Variants in ENPP6 observed in about 807,000 individuals in gnomAD.
The protein encoded by ENPP6 is ectonucleotide pyrophosphatase/phosphodiesterase 6, also known as glycerophosphocholine cholinephosphodiesterase ENPP6.
Under a neutral mutation model 42.0 loss-of-function variants are expected in ENPP6, and 32 were observed. The observed-to-expected ratio is 0.76, with a 90% CI of 0.58 to 1.02. The LOEUF (loss-of-function observed/expected upper bound fraction) is 1.02. ENPP6 is among the 50% of genes least tolerant of loss of function. The pLI, the probability that ENPP6 is intolerant of heterozygous loss-of-function variation, is 0.00. For synonymous variants in ENPP6, 213 were observed against 216.0 expected, an observed-to-expected ratio of 0.99 and a Z score of 0.12; for missense variants, 552 against 566.8, an observed-to-expected ratio of 0.97 and a Z score of 0.27.
intron 5 of ENPP6, among the ~76,000 whole-genome samples, chr4:184,113,825 G>C (rs1167605018): frequency 4.6e-5 from 7 of 151,288 alleles, no homozygotes; most frequent in African/African-American, 1.7e-4. Context: ...ATAGGCTTCA[G>C]CCACCGAGTG....
chr4:184,209,459 A>T lies in ENPP6; in HGVS notation c.241+8120T>A, dbSNP rs1490200715. Among the ~76,000 whole-genome samples the T allele has an allele frequency of 1.9e-3, 293 of 151,686 alleles. 1 individual carries two copies. The highest frequency in any genetic ancestry group is 6.9e-3 in the African/African-American group (281 of 40,972). ...AGAATGCAGAAGCCTCAGGAGCCAA[A>T]GCAATCAACTGGAAGAAAGGGTATC... On this transcript the variant is annotated intron_variant, in intron 1 of 7. Coordinates refer to ENST00000296741, the MANE Select transcript of ENPP6 (RefSeq NM_153343.4).
intron 6 of ENPP6, among the ~76,000 whole-genome samples, chr4:184,102,884 C>T (rs1035265823): frequency 1.3e-5 from 2 of 152,272 alleles, no homozygotes; most frequent in Non-Finnish European, 2.9e-5. Context: ...TGAGGAATCT[C>T]TTCTTAATGT....
intron 6 of ENPP6, among the ~76,000 whole-genome samples, chr4:184,107,824 A>C (rs1736125939): frequency 1.3e-5 from 2 of 151,746 alleles, no homozygotes; most frequent in South Asian, 4.2e-4. Flanking sequence ...CTGAGGCAGG[A>C]GAATGGCGTG....
intron 2 of ENPP6, among the ~76,000 whole-genome samples, chr4:184,131,231 T>TC (rs1560987362): frequency 0.063 from 4,768 of 75,342 alleles, 517 homozygotes; most frequent in Non-Finnish European, 0.083. Flanking sequence ...TCTTTCTTTC[T>TC]TTCCTTTTCT....
intron 6 of ENPP6, among the ~76,000 whole-genome samples, chr4:184,098,065 C>A (rs547027624): frequency 1.2e-4 from 18 of 152,308 alleles, no homozygotes; most frequent in Non-Finnish European, 2.2e-4. Context: ...TTCCCACGGG[C>A]CTCTCTATGT....
At chr4:184,153,082 A>G (rs191863605) in intron 2 of ENPP6, among the ~76,000 whole-genome samples, 2 of 152,256 alleles carry the variant, frequency 1.3e-5, no homozygotes, top group African/African-American at 4.8e-5. Flanking sequence ...TAGAGAGTTA[A>G]AAACACATTT....
At chr4:184,175,925 T>C (rs553553837) in intron 1 of ENPP6, among the ~76,000 whole-genome samples, 30 of 151,874 alleles carry the variant, frequency 2.0e-4, no homozygotes, top group Admixed American at 6.6e-4. Flanking sequence ...AGAGAAAAGG[T>C]GTTGTGTAAA....
intron 1 of ENPP6, among the ~76,000 whole-genome samples, chr4:184,154,314 T>C (rs1249578409): frequency 1.3e-5 from 2 of 152,230 alleles, no homozygotes; most frequent in Non-Finnish European, 2.9e-5. Context: ...AAACGAGGGC[T>C]GGTTCTGTTG....
At chr4:184,179,026 T>A (rs554286735) in intron 1 of ENPP6, among the ~76,000 whole-genome samples, 1 of 152,258 alleles carries the variant, frequency 6.6e-6, no homozygotes, top group South Asian at 2.1e-4. Context: ...CACATAACAA[T>A]ATTAACCTTA....
At chr4:184,129,614 T>C (rs970708033) in intron 2 of ENPP6, among the ~76,000 whole-genome samples, 2 of 152,144 alleles carry the variant, frequency 1.3e-5, no homozygotes, top group Non-Finnish European at 2.9e-5. Flanking sequence ...AAACATACTC[T>C]AAAAAATAAA....
chr4:184,131,183 TTC>T (rs1276713304), intron 2 of ENPP6, among the ~76,000 whole-genome samples: 1,351 of 64,836 alleles, frequency 0.021, 56 homozygotes, highest in African/African-American at 0.064. Flanking sequence ...CTTTCTTTCT[TTC>T]TTTCTTTCTT....
intron 1 of ENPP6, among the ~76,000 whole-genome samples, chr4:184,206,959 C>T (rs973946030): frequency 1.3e-5 from 2 of 152,220 alleles, no homozygotes; most frequent in African/African-American, 4.8e-5. Flanking sequence ...CAGGCTTAGG[C>T]CCTGGCCAGT....
chr4:184,110,210 A>G (rs889455230), intron 6 of ENPP6, among the ~76,000 whole-genome samples: 1 of 151,968 alleles, frequency 6.6e-6, no homozygotes, highest in Admixed American at 6.6e-5. Context: ...GCCCCAGTCT[A>G]CCTGACTCCT....
At position 184,131,140 on chromosome 4, in the gene ENPP6, A is replaced by ACTTACTTT. The variant is rs1491154845; in HGVS notation, c.422-6869_422-6868insAAAGTAAG. Among the ~76,000 whole-genome samples, 234 of 121,690 alleles carry ACTTACTTT rather than the reference A, an allele frequency of 1.9e-3. 1 individual carries two copies. In the East Asian group the frequency reaches 0.026, roughly 13 times the overall value. The allele number at this position is 121,690 out of a possible 152,430, so 79.8% of individuals were successfully genotyped here. On this transcript the variant is annotated intron_variant, in intron 2 of 7. Transcript: ENST00000296741. ...TTTCAACTTGCTTCCACCAGCACTT[A>ACTTACTTT]CTTTCTTTCTTTCTTTCTTTCTTTC...
intron 6 of ENPP6, 105 bp from the exon 7 acceptor site, chr4:184,097,473 C>T (rs189291010): frequency 4.0e-6 from 6 of 1,515,874 alleles, no homozygotes; most frequent in Middle Eastern, 2.3e-4. Flanking sequence ...TCCTCCTCTG[C>T]GCTCCGACTG....
In ENPP6 at chr4:184,203,403, C is replaced by T. The variant is rs186053736; in HGVS notation, c.241+14176G>A. Among the ~76,000 whole-genome samples the T allele has an allele frequency of 1.6e-3, 249 of 152,284 alleles. 1 individual carries two copies. The highest frequency in any genetic ancestry group is 2.7e-3 in the Admixed American group (41 of 15,298). ...GCGTAATGGGTTGACTTGTGGCCCC[C>T]AAGAAGATATACTGAAGTTCCCAGC... On this transcript the variant is annotated intron_variant, in intron 1 of 7. Coordinates refer to ENST00000296741, the MANE Select transcript of ENPP6 (RefSeq NM_153343.4).
chr4:184,193,094 AAC>A (rs1280504968), intron 1 of ENPP6, among the ~76,000 whole-genome samples: 4 of 152,226 alleles, frequency 2.6e-5, no homozygotes, highest in African/African-American at 9.6e-5. Flanking sequence ...CAAAATGTTA[AAC>A]ACAGAATTAT....
At position 184,099,174 on chromosome 4, in the gene ENPP6, T is replaced by C. The variant is rs1360817857; in HGVS notation, c.994-1806A>G. The stretch of plus-strand genomic sequence containing the variant: ...GGAACCCAGGTCATCTATCTCCCGG[T>C]GCCTGGGCCCCTTCCACTCCACACT... On this transcript the variant is annotated intron_variant, in intron 6 of 7. Coordinates refer to ENST00000296741, the MANE Select transcript of ENPP6 (RefSeq NM_153343.4). 5.3e-4 allele frequency among the ~76,000 whole-genome samples: 80 copies of C among 152,304 alleles called. 1 individual carries two copies. The highest frequency in any genetic ancestry group is 5.2e-3 in the Admixed American group (79 of 15,304).
intron 3 of ENPP6, 27 bp from the exon 4 acceptor site, chr4:184,117,927 G>C (rs757009538): frequency 6.8e-6 from 11 of 1,609,158 alleles, no homozygotes; most frequent in Non-Finnish European, 9.3e-6. Flanking sequence ...GAGAGGCATA[G>C]GTGAGGGAGG....
Sources: allele counts gnomAD v4.1 joint callset (sites outside exome capture counted in the v4.1 genomes callset), GRCh38; gene constraint gnomAD v4.1.1; transcripts MANE v1.5; gene names NCBI Gene and HGNC (gene_info 2026-07-23, HGNC 2026-07-21).